TMCO4: variants seen among roughly 807,000 people sequenced by gnomAD.
The protein encoded by TMCO4 is transmembrane and coiled-coil domain-containing protein 4.
In TMCO4, 58 loss-of-function variants were observed where a neutral mutation model predicts 64.7. That is an observed-to-expected ratio of 0.90 (90% CI 0.73 to 1.12). The LOEUF is 1.12. Among genes scored for constraint, TMCO4 ranks in the 50% most tolerant of loss-of-function variants. The pLI is 0.00. For synonymous variants in TMCO4, 325 were observed against 346.1 expected (o/e 0.94, Z 0.68); for missense variants, 780 against 825.9 (o/e 0.94, Z 0.68).
chr1:19,700,153 C>T (rs2100609924), intron 14 of TMCO4, among the ~76,000 whole-genome samples: 1 of 152,290 alleles, frequency 6.6e-6, no homozygotes, highest in East Asian at 1.9e-4. Context: ...GGCTGAAACC[C>T]CGCAGGTCCT....
At chr1:19,746,248 G>A (rs994129181) in intron 9 of TMCO4, among the ~76,000 whole-genome samples, 21 of 152,152 alleles carry the variant, frequency 1.4e-4, no homozygotes, top group Admixed American at 1.4e-3. Context: ...TACACACAAG[G>A]TGCATGGGGA....
chr1:19,786,876 A>T (rs2043770580), intron 3 of TMCO4, 150 bp downstream of exon 3: 2 of 152,240 alleles, frequency 1.3e-5, no homozygotes, highest in South Asian at 4.1e-4. Flanking sequence ...TATTAGCCCT[A>T]CTACAGTGGT....
At chr1:19,711,716 G>A (rs912539821) in intron 13 of TMCO4, among the ~76,000 whole-genome samples, 11 of 151,638 alleles carry the variant, frequency 7.3e-5, no homozygotes, top group Non-Finnish European at 1.2e-4. Context: ...GGATTGCAAT[G>A]GCGTGATCTC....
intron 2 of TMCO4, among the ~76,000 whole-genome samples, chr1:19,788,640 C>T (rs2043862214): frequency 6.6e-6 from 1 of 152,200 alleles, no homozygotes; most frequent in African/African-American, 2.4e-5. Context: ...TGTCCAGTGA[C>T]ACTGGCAGCC....
At chr1:19,684,772 T>A (rs533144630) in intron 15 of TMCO4, among the ~76,000 whole-genome samples, 54 of 152,250 alleles carry the variant, frequency 3.5e-4, no homozygotes, top group Non-Finnish European at 4.9e-4. Context: ...GTTGAAGCGG[T>A]AGTGTGATGT....
intron 14 of TMCO4, among the ~76,000 whole-genome samples, chr1:19,694,826 A>G: frequency 6.6e-6 from 1 of 152,206 alleles, no homozygotes; most frequent in East Asian, 1.9e-4. Context: ...GGGTCTCCAG[A>G]GCTAAGAACA....
At chr1:19,793,893 C>T (rs1242733013) in intron 2 of TMCO4, among the ~76,000 whole-genome samples, 3 of 152,170 alleles carry the variant, frequency 2.0e-5, no homozygotes, top group Admixed American at 6.5e-5. Context: ...GCCCTCAACC[C>T]AGCTGTTCAA....
chr1:19,770,677 G>A (rs2042940380), intron 5 of TMCO4, 108 bp from the exon 6 acceptor site: 1 of 1,126,184 alleles, frequency 8.9e-7, no homozygotes, highest in East Asian at 2.4e-5. Context: ...CAGACAAAAA[G>A]CCACTGCCCT....
At chr1:19,691,596 TGC>T (rs2095195419) in intron 15 of TMCO4, among the ~76,000 whole-genome samples, 1 of 152,162 alleles carries the variant, frequency 6.6e-6, no homozygotes, top group Admixed American at 6.5e-5. Flanking sequence ...GCCATTGAGA[TGC>T]AGTGGTGGAG....
rs1187667519 is a variant in TMCO4 at position 19,770,583 on chromosome 1, C to A, written c.355-14G>T. ...GCTCAGAAGGTCCTGAGGGAGAAGA[C>A]AACAGGCATCAATGACAAAGCTGAT... is the stretch of plus-strand genomic sequence containing the variant. On this transcript the variant is annotated splice_polypyrimidine_tract_variant and intron_variant, in intron 5 of 15. Coordinates refer to ENST00000294543, the MANE Select transcript of TMCO4 (RefSeq NM_181719.7). 21 of 1,610,696 alleles carry A rather than the reference C, an allele frequency of 1.3e-5. No homozygotes were observed. The highest frequency in any genetic ancestry group is 1.7e-5 in the Non-Finnish European group (20 of 1,178,912).
intron 15 of TMCO4, among the ~76,000 whole-genome samples, chr1:19,687,125 T>C (rs1428406621): frequency 6.6e-6 from 1 of 152,178 alleles, no homozygotes; most frequent in African/African-American, 2.4e-5. Flanking sequence ...CTAATTTTTG[T>C]ATTTTTAGTA....
chr1:19,704,778 G>C (rs1054507761), intron 13 of TMCO4, among the ~76,000 whole-genome samples: 1 of 152,204 alleles, frequency 6.6e-6, no homozygotes, highest in Admixed American at 6.5e-5. Context: ...ACGGACAGCT[G>C]AGCTTCAGGA....
At chr1:19,690,344 G>T (rs146744964) in intron 15 of TMCO4, among the ~76,000 whole-genome samples, 1,562 of 152,272 alleles carry the variant, frequency 0.01, 15 homozygotes, top group South Asian at 0.029. Flanking sequence ...ATACACCACC[G>T]TCTATTGGGC....
At chr1:19,798,947 G>A (rs1163113265) in intron 1 of TMCO4, among the ~76,000 whole-genome samples, 1 of 152,254 alleles carries the variant, frequency 6.6e-6, no homozygotes, top group Admixed American at 6.5e-5. Flanking sequence ...GAAAAAGGGG[G>A]CTCATGTGCT....
chr1:19,792,500 G>A (rs559992803), intron 2 of TMCO4, among the ~76,000 whole-genome samples: 1 of 152,150 alleles, frequency 6.6e-6, no homozygotes, highest in Non-Finnish European at 1.5e-5. Flanking sequence ...CCCACAGTAG[G>A]CACTCTGAAT....
intron 6 of TMCO4, among the ~76,000 whole-genome samples, chr1:19,766,655 C>G (rs566087078): frequency 4.2e-4 from 64 of 152,270 alleles, no homozygotes; most frequent in Non-Finnish European, 8.7e-4. Flanking sequence ...TCACCGCCAC[C>G]CTACAAGGTA....
intron 4 of TMCO4, among the ~76,000 whole-genome samples, chr1:19,774,853 C>T (rs941873307): frequency 4.5e-4 from 68 of 152,104 alleles, no homozygotes; most frequent in African/African-American, 1.5e-3. Flanking sequence ...AATCCTAGAT[C>T]CAGAGAGGTT....
At chr1:19,721,043 C>T (rs1214039993) in intron 13 of TMCO4, among the ~76,000 whole-genome samples, 1 of 152,116 alleles carries the variant, frequency 6.6e-6, no homozygotes, top group Non-Finnish European at 1.5e-5. Context: ...TTTTCTTCTC[C>T]GGTTGGAATT....
chr1:19,775,215 C>A (rs901527752), intron 4 of TMCO4, among the ~76,000 whole-genome samples: 2 of 152,160 alleles, frequency 1.3e-5, no homozygotes, highest in African/African-American at 4.8e-5. Flanking sequence ...CAGATGTGCA[C>A]CACCACACCC....
Sources: allele counts gnomAD v4.1 joint callset (sites outside exome capture counted in the v4.1 genomes callset), GRCh38; gene constraint gnomAD v4.1.1; transcripts MANE v1.5; gene names NCBI Gene and HGNC (gene_info 2026-07-23, HGNC 2026-07-21).